The following DTWD1 variants were observed in gnomAD, a reference collection of about 807,000 sequenced individuals.
DTWD1 encodes tRNA-uridine aminocarboxypropyltransferase 1.
DTWD1 carries 27 observed loss-of-function variants against 30.2 expected under a neutral mutation model. That is an observed-to-expected ratio of 0.90 (90% CI 0.66 to 1.23). The LOEUF (loss-of-function observed/expected upper bound fraction) is 1.23, where lower values mean the gene tolerates loss of function less well. Ranked by LOEUF, DTWD1 falls within the 50% of genes most tolerant of loss-of-function variation. DTWD1 has a pLI of 0.00. For missense variants in DTWD1, 342 were observed against 348.8 expected (o/e 0.98, Z 0.15); for synonymous variants, 99 against 113.1 (o/e 0.88, Z 0.79).
chr15:49,643,714 A>G lies in DTWD1; in HGVS notation c.*136A>G, dbSNP rs543823244. 1.1e-6 allele frequency: 1 copy of G among 911,230 alleles called. No homozygotes were observed. Among genetic ancestry groups the G allele is most frequent in the Non-Finnish European group, 1.5e-6 (1 of 659,886 alleles). 56.4% of individuals were successfully genotyped at this position (911,230 alleles called of 1,614,324 possible). The stretch of plus-strand genomic sequence containing the variant: ...AAAAAATTCCAGTTTCATATATATC[A>G]CTTCATATTTCTTGAAGGAAATTGT... On this transcript the variant is annotated 3_prime_UTR_variant, in exon 5 of 5. Coordinates refer to ENST00000403028, the MANE Select transcript of DTWD1 (RefSeq NM_001144955.2).
In DTWD1 at chr15:49,648,328, T is replaced by C. The variant is rs1206332825; in HGVS notation, c.*4750T>C. 4 of 152,068 alleles carry C rather than the reference T, an allele frequency of 2.6e-5. No homozygotes were observed. The highest frequency in any genetic ancestry group is 9.7e-5 in the African/African-American group (4 of 41,398). The allele number at this position is 152,068 out of a possible 1,614,324, so 9.4% of individuals were successfully genotyped here. ...TTATTTATTCATTTTTGAGACAGAG[T>C]CTCACTCTTGTCTCCCAGGCTGCAG... On this transcript the variant is annotated 3_prime_UTR_variant, in exon 5 of 5. Transcript: ENST00000403028.
chr15:49,621,640 A>G (rs1260914937), intron 1 of DTWD1, among the ~76,000 whole-genome samples: 2 of 152,168 alleles, frequency 1.3e-5, no homozygotes, highest in Non-Finnish European at 2.9e-5. Context: ...CAAATAAGGA[A>G]GTATATTAAC....
At chr15:49,640,361 C>T (rs775651899) in intron 4 of DTWD1, among the ~76,000 whole-genome samples, 7 of 152,046 alleles carry the variant, frequency 4.6e-5, no homozygotes, top group Non-Finnish European at 1.0e-4. Flanking sequence ...GCTAATGAAA[C>T]ACTTTGGTTA....
At chr15:49,637,838 A>G (rs1210392810) in intron 4 of DTWD1, among the ~76,000 whole-genome samples, 1 of 152,202 alleles carries the variant, frequency 6.6e-6, no homozygotes, top group African/African-American at 2.4e-5. Flanking sequence ...GAGTGACAAC[A>G]CTAGATTTAA....
chr15:49,643,433 T>G lies in DTWD1; in HGVS notation c.770T>G (p.Phe257Cys), dbSNP rs201031180. 81 of 1,607,346 alleles carry G rather than the reference T, an allele frequency of 5.0e-5. 1 individual carries two copies. The East Asian group carries it at 1.8e-3, about 35-fold the overall frequency. ...FLSTIEAIYYFLVDYHTDILK... is the reference protein window; with the variant it reads ...FLSTIEAIYYCLVDYHTDILK... Reference sequence around the variant, plus strand: ...TCTACAATTGAAGCCATTTACTACTTTCTGGTAGACTACCATACTGATATA... The same window carrying G: ...TCTACAATTGAAGCCATTTACTACTGTCTGGTAGACTACCATACTGATATA... The change falls in exon 5 of 5, where the codon TTT (phenylalanine) becomes TGT (cysteine). Residue 257 changes from phenylalanine (F) to cysteine (C), a missense_variant. Transcript: ENST00000403028.
At position 49,634,650 on chromosome 15, in the gene DTWD1, T is replaced by C. The variant is rs1228935789; in HGVS notation, c.523T>C (p.Ser175Pro). 2 of 1,613,830 alleles carry C rather than the reference T, an allele frequency of 1.2e-6. No individual in the cohort carries two copies. The highest frequency in any genetic ancestry group is 1.7e-5 in the Admixed American group (1 of 60,000). The change falls in exon 4 of 5, where the codon TCT becomes CCT. Residue 175 changes from serine to proline, a missense_variant. Coordinates refer to ENST00000403028, the MANE Select transcript of DTWD1 (RefSeq NM_001144955.2). ...CAAAAATGATGACCCTGACAAGCCA[T>C]CTTTTAAACGCAAAAGAACTGAAGA... The part of the protein sequence containing the change: ...RGKNDDPDKP[S>P]FKRKRTEEQE...
intron 4 of DTWD1, among the ~76,000 whole-genome samples, chr15:49,636,295 C>G (rs1382030630): frequency 6.8e-6 from 1 of 147,534 alleles, no homozygotes; most frequent in Non-Finnish European, 1.5e-5. Context: ...TCTACTATTT[C>G]AAATAAAGTT....
chr15:49,628,334 TCTAAAA>T (rs916746616), intron 2 of DTWD1, among the ~76,000 whole-genome samples: 1 of 152,230 alleles, frequency 6.6e-6, no homozygotes, highest in Admixed American at 6.5e-5. Flanking sequence ...ATGAGTGTAC[TCTAAAA>T]CTAAAAAAAT....
rs5812490 is a variant in DTWD1, at chr15:49,643,306, C to CTTT, written c.668-8_668-6dup. ...ATTTATATTTTTTCTTTCTTTCTTT[C>CTTT]TTTTTTTTTTTTTTTTTTTGACAGG... On this transcript the variant is annotated intron_variant, in intron 4 of 4. Transcript: ENST00000403028. 8.5e-4 allele frequency: 1,025 copies of CTTT among 1,201,042 alleles called. 10 individuals are homozygous for CTTT. The highest frequency in any genetic ancestry group is 3.2e-3 in the South Asian group (151 of 47,212). 74.4% of individuals were successfully genotyped at this position (1,201,042 alleles called of 1,614,324 possible).
In DTWD1 at chr15:49,643,493, T is replaced by G. The variant is rs776827881; in HGVS notation, c.830T>G (p.Leu277Arg). 2 of 1,609,584 alleles carry G rather than the reference T, an allele frequency of 1.2e-6. No homozygotes were observed. Among genetic ancestry groups the G allele is most frequent in the South Asian group, 2.2e-5 (2 of 90,080 alleles). Reference protein sequence around the residue: ...KEKYRGQYDNLLFFYSFMYQL... With the variant: ...KEKYRGQYDNRLFFYSFMYQL... Reference sequence around the variant, plus strand: ...AAATACAGAGGGCAATATGACAATCTTTTATTTTTCTATTCTTTTATGTAC... The same window carrying G: ...AAATACAGAGGGCAATATGACAATCGTTTATTTTTCTATTCTTTTATGTAC... The change falls in exon 5 of 5, where the codon CTT becomes CGT. Residue 277 changes from leucine to arginine, a missense_variant. Coordinates refer to ENST00000403028, the MANE Select transcript of DTWD1 (RefSeq NM_001144955.2).
chr15:49,655,486 A>T lies in DTWD1; in HGVS notation c.*11908A>T, dbSNP rs1019825837. ...TGCTGGTGGTATCCTCATCAATGCA[A>T]TTTTCTTTAAAACTCTGTGAGCCTT... On this transcript the variant is annotated 3_prime_UTR_variant, in exon 5 of 5. Coordinates refer to ENST00000403028, the MANE Select transcript of DTWD1 (RefSeq NM_001144955.2). 6.6e-6 allele frequency: 1 copy of T among 151,694 alleles called. No individual in the cohort carries two copies. Among genetic ancestry groups the T allele is most frequent in the Non-Finnish European group, 1.5e-5 (1 of 67,906 alleles). 9.4% of individuals were successfully genotyped at this position (151,694 alleles called of 1,614,324 possible). A position where few individuals can be genotyped will look rare whatever the true frequency, so the allele number is the denominator to read the frequency against.
chr15:49,621,222 G>C (rs1476030551), intron 1 of DTWD1, 100 bp downstream of exon 1: 1 of 152,262 alleles, frequency 6.6e-6, no homozygotes. Flanking sequence ...GACATTCTTT[G>C]TCAGGACCCT....
chr15:49,633,647 T>C, intron 3 of DTWD1: 1 of 271,828 alleles, frequency 3.7e-6, no homozygotes, highest in South Asian at 3.1e-5. Flanking sequence ...GATTTTTTGT[T>C]TCATAATTTT....
chr15:49,633,858 T>G (rs761098738), intron 3 of DTWD1, among the ~76,000 whole-genome samples: 3 of 152,180 alleles, frequency 2.0e-5, no homozygotes, highest in Non-Finnish European at 4.4e-5. Flanking sequence ...TAAATCTCAG[T>G]AAAAATGTGC....
At position 49,654,709 on chromosome 15, in the gene DTWD1, A is replaced by G. The variant is rs921670991; in HGVS notation, c.*11131A>G. ...GTGGAACCTGAAAATACAGTGTAGT[A>G]AGAGTGGAGAGAAAGGCCACCTAAG... On this transcript the variant is annotated 3_prime_UTR_variant, in exon 5 of 5. Coordinates refer to ENST00000403028, the MANE Select transcript of DTWD1 (RefSeq NM_001144955.2). 1 of 151,934 alleles carries G rather than the reference A, an allele frequency of 6.6e-6. No individual in the cohort carries two copies. Among genetic ancestry groups the G allele is most frequent in the African/African-American group, 2.4e-5 (1 of 41,374 alleles). The allele number at this position is 151,934 out of a possible 1,614,324, so 9.4% of individuals were successfully genotyped here.
chr15:49,626,923 C>G (rs890681234), intron 2 of DTWD1: 3 of 275,564 alleles, frequency 1.1e-5, no homozygotes, highest in Non-Finnish European at 2.3e-5. Flanking sequence ...TTCCCATTAT[C>G]TTACAGGAAT....
chr15:49,644,252 G>T lies in DTWD1; in HGVS notation c.*674G>T, dbSNP rs1447052781. 1 of 152,154 alleles carries T rather than the reference G, an allele frequency of 6.6e-6. No homozygotes were observed. Among genetic ancestry groups the T allele is most frequent in the Non-Finnish European group, 1.5e-5 (1 of 68,026 alleles). 9.4% of individuals were successfully genotyped at this position (152,154 alleles called of 1,614,324 possible). A position where few individuals can be genotyped will look rare whatever the true frequency, so the allele number is the denominator to read the frequency against. ...CAGCAGTACCTGAAATATAGTAAGTGTTACATATATGTTTACTCTTTTTAT... is the reference window on the plus strand; with the variant it reads ...CAGCAGTACCTGAAATATAGTAAGTTTTACATATATGTTTACTCTTTTTAT... On this transcript the variant is annotated 3_prime_UTR_variant, in exon 5 of 5. Transcript: ENST00000403028.
rs1213003164 is a variant in DTWD1, at chr15:49,644,460, G to A, written c.*882G>A. 1 of 152,112 alleles carries A rather than the reference G, an allele frequency of 6.6e-6. No homozygotes were observed. The highest frequency in any genetic ancestry group is 1.5e-5 in the Non-Finnish European group (1 of 68,046). 9.4% of individuals were successfully genotyped at this position (152,112 alleles called of 1,614,324 possible). ...CTAGACCTAGCTGCTTGTGAATAGA[G>A]CCCTACTGTGCTGAATAGCTTCTGT... is the stretch of plus-strand genomic sequence containing the variant. On this transcript the variant is annotated 3_prime_UTR_variant, in exon 5 of 5. Coordinates refer to ENST00000403028, the MANE Select transcript of DTWD1 (RefSeq NM_001144955.2).
chr15:49,632,277 C>T lies in DTWD1; in HGVS notation c.383C>T (p.Pro128Leu). The T allele has an allele frequency of 6.3e-7, 1 of 1,585,594 alleles. No homozygotes were observed. ...AACATTTACACGTATCCGTGTATTC[C>T]AGAATATGAAGAAAAGGACCATGAA... is the stretch of plus-strand genomic sequence containing the variant. ...FVNIYTYPCI[P>L]EYEEKDHEVA... The change falls in exon 3 of 5, where the codon CCA (proline) becomes CTA (leucine). Residue 128 changes from proline to leucine, a missense_variant. Physicochemically the swap from Pro to Leu is moderately conservative, Grantham distance 98 (BLOSUM62 -3). Transcript: ENST00000403028.
Sources: gnomAD v4.1 joint callset for allele counts (sites outside exome capture counted in the v4.1 genomes callset) on GRCh38, gnomAD v4.1.1 for gene constraint, MANE v1.5 for transcripts, NCBI Gene and HGNC (gene_info 2026-07-23, HGNC 2026-07-21) for gene names.